The following CLEC6A variants were observed in gnomAD, a reference collection of about 807,000 sequenced individuals.
CLEC6A encodes the protein C-type lectin domain containing 6A.
CLEC6A carries 22 observed loss-of-function variants against 25.7 expected under a neutral mutation model. That is an observed-to-expected ratio of 0.85 (90% CI 0.61 to 1.22). The LOEUF (loss-of-function observed/expected upper bound fraction) is 1.22, where lower values mean the gene tolerates loss of function less well. Among genes scored for constraint, CLEC6A ranks in the 50% most tolerant of loss-of-function variants. The probability of loss-of-function intolerance (pLI) is 0.00; values close to 1 mark genes in which losing one functional copy is unlikely to be tolerated. For missense variants in CLEC6A, 240 were observed against 236.8 expected, an observed-to-expected ratio of 1.01 and a Z score of -0.09; for synonymous variants, 92 against 76.7, an observed-to-expected ratio of 1.20 and a Z score of -1.04.
intron 3 of CLEC6A, among the ~76,000 whole-genome samples, chr12:8,464,885 C>G (rs1939810157): frequency 6.6e-6 from 1 of 152,038 alleles, no homozygotes; most frequent in Admixed American, 6.6e-5. Flanking sequence ...ATTTATTGAG[C>G]AATTATTCTA....
intron 3 of CLEC6A, among the ~76,000 whole-genome samples, chr12:8,462,627 G>A (rs376892171): frequency 1.4e-5 from 2 of 144,674 alleles, no homozygotes; most frequent in Non-Finnish European, 3.0e-5. Context: ...CTATGATGCA[G>A]ATACCTTTGT....
At chr12:8,456,212 G>A in intron 1 of CLEC6A, 70 bp downstream of exon 1, 2 of 1,482,274 alleles carry the variant, frequency 1.3e-6, no homozygotes, top group South Asian at 2.3e-5. Context: ...GAGAGAAGAA[G>A]TAGCCAAAGA....
intron 3 of CLEC6A, among the ~76,000 whole-genome samples, chr12:8,463,556 C>T (rs996505074): frequency 6.6e-6 from 1 of 151,904 alleles, no homozygotes; most frequent in South Asian, 2.1e-4. Flanking sequence ...CTGCTTATGA[C>T]GATATAGTGA....
At chr12:8,458,064 C>T in intron 2 of CLEC6A, 77 bp downstream of exon 2, 1 of 991,924 alleles carries the variant, frequency 1.0e-6, no homozygotes, top group Non-Finnish European at 1.6e-6. Context: ...AGGATATATT[C>T]TCCTTTGCCC....
chr12:8,464,310 C>CTGTTTAAAATTTCTT (rs1001499138), intron 3 of CLEC6A, among the ~76,000 whole-genome samples: 3 of 150,066 alleles, frequency 2.0e-5, no homozygotes, highest in Admixed American at 6.7e-5. Flanking sequence ...CTTATCATTG[C>CTGTTTAAAATTTCTT]TGTTTAAAAT....
chr12:8,457,677 A>G (rs1344524478), intron 1 of CLEC6A, among the ~76,000 whole-genome samples: 1 of 152,232 alleles, frequency 6.6e-6, no homozygotes, highest in African/African-American at 2.4e-5. Context: ...AAAGACATGG[A>G]AATTCCAGTT....
intron 3 of CLEC6A, among the ~76,000 whole-genome samples, chr12:8,461,721 AC>A (rs1939756634): frequency 6.6e-6 from 1 of 152,232 alleles, no homozygotes; most frequent in Non-Finnish European, 1.5e-5. Context: ...ATTTTGATTA[AC>A]GTTAAAAAAT....
intron 4 of CLEC6A, among the ~76,000 whole-genome samples, chr12:8,468,904 T>C (rs1250184047): frequency 6.6e-6 from 1 of 152,112 alleles, no homozygotes; most frequent in Non-Finnish European, 1.5e-5. Flanking sequence ...CTCTTACCAT[T>C]TTTATTCAAC....
rs769428658 is a variant in CLEC6A, at chr12:8,470,601, C to T, written c.369+4972C>T. On this transcript the variant is annotated intron_variant, in intron 4 of 5. Coordinates refer to ENST00000382073, the MANE Select transcript of CLEC6A (RefSeq NM_001007033.2). ...AATGAAATAATGGCATTGGCAGCAA[C>T]TTGGATGGAATTAAAGACCATTATT... Among the ~76,000 whole-genome samples, 3 of 152,224 alleles carry T rather than the reference C, an allele frequency of 2.0e-5. No homozygotes were observed. In the South Asian group the frequency reaches 6.2e-4, roughly 32 times the overall value.
At chr12:8,464,227 A>G (rs1939799645) in intron 3 of CLEC6A, among the ~76,000 whole-genome samples, 1 of 152,248 alleles carries the variant, frequency 6.6e-6, no homozygotes, top group South Asian at 2.1e-4. Flanking sequence ...TGAATAAAAT[A>G]GAACTATATG....
chr12:8,477,213 T>A, intron 5 of CLEC6A, 107 bp from the exon 6 acceptor site: 1 of 794,016 alleles, frequency 1.3e-6, no homozygotes, highest in Non-Finnish European at 2.0e-6. Context: ...ATCATTGGAA[T>A]GTTCTCTCTT....
In CLEC6A at chr12:8,477,537, C is replaced by T; in HGVS notation, c.*73C>T. On this transcript the variant is annotated 3_prime_UTR_variant, in exon 6 of 6. Coordinates refer to ENST00000382073, the MANE Select transcript of CLEC6A (RefSeq NM_001007033.2). ...TCCCTGACGTCTTTAAAATTGAACC[C>T]TATCATGAAATGATAATTTCTTCCT... is the stretch of plus-strand genomic sequence containing the variant. The T allele has an allele frequency of 8.5e-7, 1 of 1,178,816 alleles. No homozygotes were observed. Among genetic ancestry groups the T allele is most frequent in the East Asian group, 2.5e-5 (1 of 40,474 alleles). 73.0% of individuals were successfully genotyped at this position (1,178,816 alleles called of 1,614,324 possible). A position where few individuals can be genotyped will look rare whatever the true frequency, so the allele number is the denominator to read the frequency against.
chr12:8,468,805 T>C (rs1423109944), intron 4 of CLEC6A, among the ~76,000 whole-genome samples: 1 of 152,136 alleles, frequency 6.6e-6, no homozygotes, highest in African/African-American at 2.4e-5. Flanking sequence ...ATAAAAGTCA[T>C]CTATGACAAA....
intron 1 of CLEC6A, among the ~76,000 whole-genome samples, chr12:8,457,384 C>T (rs1210218759): frequency 1.3e-5 from 2 of 152,178 alleles, no homozygotes; most frequent in African/African-American, 2.4e-5. Flanking sequence ...TCCATCTGTG[C>T]TGTTGCAAAT....
intron 4 of CLEC6A, among the ~76,000 whole-genome samples, chr12:8,472,556 T>A (rs1269072626): frequency 6.6e-6 from 1 of 152,158 alleles, no homozygotes; most frequent in Admixed American, 6.5e-5. Flanking sequence ...TGCAGCAAAC[T>A]TTCTTACCTG....
intron 4 of CLEC6A, 105 bp from the exon 5 acceptor site, chr12:8,476,020 C>G: frequency 1.5e-6 from 1 of 651,116 alleles, no homozygotes. Context: ...CTCCTTGCAC[C>G]TTGTGTTTTC....
At chr12:8,469,804 A>T (rs1236466699) in intron 4 of CLEC6A, among the ~76,000 whole-genome samples, 1 of 152,204 alleles carries the variant, frequency 6.6e-6, no homozygotes, top group African/African-American at 2.4e-5. Flanking sequence ...CAAGGACTTA[A>T]ATCTAAGACC....
chr12:8,458,528 T>C (rs1475605381), intron 2 of CLEC6A, among the ~76,000 whole-genome samples: 2 of 152,132 alleles, frequency 1.3e-5, no homozygotes, highest in African/African-American at 2.4e-5. Flanking sequence ...ACCTTTTTCC[T>C]CTCCGATTCA....
chr12:8,456,259 G>A (rs1939674114), intron 1 of CLEC6A, 117 bp downstream of exon 1: 1 of 905,106 alleles, frequency 1.1e-6, no homozygotes, highest in Non-Finnish European at 1.7e-6. Flanking sequence ...CAATATAGTA[G>A]ACTCAAAGGA....
Sources: gnomAD v4.1 joint callset for allele counts (sites outside exome capture counted in the v4.1 genomes callset) on GRCh38, gnomAD v4.1.1 for gene constraint, MANE v1.5 for transcripts, NCBI Gene and HGNC (gene_info 2026-07-23, HGNC 2026-07-21) for gene names.